Variants in ABCG2 observed in about 807,000 individuals in gnomAD.
ABCG2 encodes the protein ATP binding cassette subfamily G member 2 (JR blood group).
A neutral mutation model predicts 73.5 loss-of-function variants in ABCG2; 80 were observed. The observed-to-expected ratio is 1.09, with a 90% CI of 0.91 to 1.31. The LOEUF (loss-of-function observed/expected upper bound fraction) is 1.31. Among genes scored for constraint, ABCG2 ranks in the 50% most tolerant of loss-of-function variants. The pLI, the probability that ABCG2 is intolerant of heterozygous loss-of-function variation, is 0.00. For missense variants in ABCG2, 796 were observed against 786.2 expected, an observed-to-expected ratio of 1.01 and a Z score of -0.15; for synonymous variants, 269 against 282.4, an observed-to-expected ratio of 0.95 and a Z score of 0.48.
chr4:88,115,039 A>G lies in ABCG2; in HGVS notation c.861T>C (p.Tyr287=), dbSNP rs767291281. Reference sequence around the variant, plus strand: ...CCAAGAAGAAGTCTGCAGGGTTATTATAGGCCTCACAGTGATAACCTATGA... The same window carrying G: ...CCAAGAAGAAGTCTGCAGGGTTATTGTAGGCCTCACAGTGATAACCTATGA... ...FESAGYHCEA[Y]NNPADFFLDI... is the part of the protein sequence containing the mutation. Residue 287 remains tyrosine (Y), a synonymous_variant, in exon 8 of 16, where the codon TAT becomes TAC. Transcript: ENST00000237612. 6.2e-7 allele frequency: 1 copy of G among 1,612,428 alleles called. No homozygotes were observed. The highest frequency in any genetic ancestry group is 1.1e-5 in the South Asian group (1 of 90,964).
intron 1 of ABCG2, among the ~76,000 whole-genome samples, chr4:88,225,510 A>G (rs1237494703): frequency 1.3e-5 from 2 of 152,210 alleles, no homozygotes; most frequent in Non-Finnish European, 2.9e-5. Context: ...GCAGGATTTC[A>G]TCTATTCTTT....
intron 9 of ABCG2, 28 bp from the exon 10 acceptor site, chr4:88,107,294 G>T: frequency 6.6e-7 from 1 of 1,508,244 alleles, no homozygotes; most frequent in South Asian, 1.2e-5. Context: ...TGCAAAAAAA[G>T]GGGAAGAGTT....
chr4:88,146,211 A>C (rs1219025580), intron 1 of ABCG2, among the ~76,000 whole-genome samples: 3 of 152,020 alleles, frequency 2.0e-5, no homozygotes, highest in Non-Finnish European at 4.4e-5. Flanking sequence ...GTTTTCTTAA[A>C]TGTTACTTTA....
At position 88,091,119 on chromosome 4, in the gene ABCG2, T is replaced by C. The variant is rs927195130; in HGVS notation, c.*1115A>G. 1 of 152,124 alleles carries C rather than the reference T, an allele frequency of 6.6e-6. No individual in the cohort carries two copies. The highest frequency in any genetic ancestry group is 2.1e-4 in the South Asian group (1 of 4,822). 9.4% of individuals were successfully genotyped at this position (152,124 alleles called of 1,614,324 possible). ...AATAACCCAGGGGTAAGGAAGGAAG[T>C]AGTGACTGGGAGAATGGCTGAGTAG... On this transcript the variant is annotated 3_prime_UTR_variant, in exon 16 of 16. Coordinates refer to ENST00000237612, the MANE Select transcript of ABCG2 (RefSeq NM_004827.3).
chr4:88,191,789 A>C (rs1201794997), intron 1 of ABCG2, among the ~76,000 whole-genome samples: 2 of 152,236 alleles, frequency 1.3e-5, no homozygotes, highest in Non-Finnish European at 2.9e-5. Context: ...AAAATTAATG[A>C]AGTACTAATT....
In ABCG2 at chr4:88,134,544, T is replaced by C. The variant is rs1229677331; in HGVS notation, c.204-1909A>G. ...ATTTATCTATAGCTCTTGATGCATC[T>C]TCTTTATAAACAGGTCCCTAATAAC... On this transcript the variant is annotated intron_variant, in intron 2 of 15. Coordinates refer to ENST00000237612, the MANE Select transcript of ABCG2 (RefSeq NM_004827.3). 2.0e-5 allele frequency among the ~76,000 whole-genome samples: 3 copies of C among 152,210 alleles called. No homozygotes were observed. The East Asian group carries it at 5.8e-4, about 29-fold the overall frequency.
In ABCG2 at chr4:88,158,416, G is replaced by T; in HGVS notation, c.-50C>A. The T allele has an allele frequency of 2.3e-6, 1 of 436,256 alleles. No homozygotes were observed. The allele number at this position is 436,256 out of a possible 1,614,324, so 27.0% of individuals were successfully genotyped here. A position where few individuals can be genotyped will look rare whatever the true frequency, so the allele number is the denominator to read the frequency against. On this transcript the variant is annotated 5_prime_UTR_variant, in exon 1 of 16. Transcript: ENST00000237612. ...TTAATAGAGCTCGGTCTTAACCAAA[G>T]GCTCAGGATCTCAGGATGCGTGCGC...
chr4:88,132,514 T>C (rs1398291331), intron 3 of ABCG2, 62 bp downstream of exon 3: 1 of 1,548,996 alleles, frequency 6.5e-7, no homozygotes, highest in East Asian at 2.2e-5. Flanking sequence ...CAAAAAAAAG[T>C]GGCTTTTAAA....
intron 1 of ABCG2, among the ~76,000 whole-genome samples, chr4:88,170,346 G>C (rs773589188): frequency 3.9e-5 from 6 of 152,014 alleles, no homozygotes; most frequent in Admixed American, 2.6e-4. Flanking sequence ...TCACTTATCT[G>C]GTCATATATT....
At chr4:88,124,755 C>T (rs113877129) in intron 5 of ABCG2, among the ~76,000 whole-genome samples, 29,852 of 151,666 alleles carry the variant, frequency 0.2, 3,962 homozygotes, top group Non-Finnish European at 0.29. Flanking sequence ...GACAGATCAT[C>T]GACATCAACA....
intron 5 of ABCG2, among the ~76,000 whole-genome samples, chr4:88,128,128 T>G (rs1301783758): frequency 1.3e-5 from 2 of 152,048 alleles, no homozygotes; most frequent in Non-Finnish European, 2.9e-5. Flanking sequence ...AACAGACACT[T>G]CTCAAAAGAA....
upstream of ABCG2, among the ~76,000 whole-genome samples, chr4:88,162,301 T>A (rs1413626811): frequency 6.6e-6 from 1 of 152,042 alleles, no homozygotes; most frequent in African/African-American, 2.4e-5. Context: ...TGTAACAAAT[T>A]TAGAAAATTA....
At chr4:88,180,286 AG>A (rs1728179635) in intron 1 of ABCG2, among the ~76,000 whole-genome samples, 1 of 152,202 alleles carries the variant, frequency 6.6e-6, no homozygotes, top group Non-Finnish European at 1.5e-5. Flanking sequence ...AAAGTGCTAA[AG>A]GAAAAAAACT....
At chr4:88,230,672 C>A (rs150561592) in intron 1 of ABCG2, among the ~76,000 whole-genome samples, 5 of 152,208 alleles carry the variant, frequency 3.3e-5, no homozygotes, top group South Asian at 2.1e-4. Context: ...CAACATAAAT[C>A]ATGTGTTCAG....
intron 1 of ABCG2, among the ~76,000 whole-genome samples, chr4:88,166,821 A>AG (rs1211129828): frequency 1.3e-5 from 2 of 152,202 alleles, no homozygotes; most frequent in African/African-American, 4.8e-5. Flanking sequence ...GAATAGACAG[A>AG]GAGAAAGAAA....
Position 88,121,802 on chromosome 4 carries a change from A to C in ABCG2, c.532-10T>G. ...TAAACTGAGTTCCAACCTAAATCAC[A>C]AATATTATAATTGTCAATGATAACA... On this transcript the variant is annotated splice_polypyrimidine_tract_variant and intron_variant, in intron 5 of 15. Transcript: ENST00000237612. 6.2e-7 allele frequency: 1 copy of C among 1,611,476 alleles called. No individual in the cohort carries two copies. The highest frequency in any genetic ancestry group is 1.1e-5 in the South Asian group (1 of 90,474).
At position 88,119,990 on chromosome 4, in the gene ABCG2, G is replaced by A. The variant is rs531290518; in HGVS notation, c.689+1645C>T. ...AAAATGTCTCCAGGGAATGTCAGACGTCTTTACAGCAGCTCCTCCCATCAC... is the reference window on the plus strand; with the variant it reads ...AAAATGTCTCCAGGGAATGTCAGACATCTTTACAGCAGCTCCTCCCATCAC... On this transcript the variant is annotated intron_variant, in intron 6 of 15. Coordinates refer to ENST00000237612, the MANE Select transcript of ABCG2 (RefSeq NM_004827.3). 5.3e-5 allele frequency among the ~76,000 whole-genome samples: 8 copies of A among 152,292 alleles called. No individual in the cohort carries two copies. In the South Asian group the frequency reaches 8.3e-4, roughly 16 times the overall value.
intron 1 of ABCG2, among the ~76,000 whole-genome samples, chr4:88,206,091 TA>T (rs1729366499): frequency 6.6e-6 from 1 of 152,218 alleles, no homozygotes; most frequent in South Asian, 2.1e-4. Flanking sequence ...GTATAATCTT[TA>T]TTCTAGAACT....
intron 2 of ABCG2, among the ~76,000 whole-genome samples, chr4:88,135,497 C>T (rs1725176300): frequency 6.6e-6 from 1 of 151,954 alleles, no homozygotes; most frequent in African/African-American, 2.4e-5. Context: ...GAGGTCAATG[C>T]TCACCTCCCT....
Sources: gnomAD v4.1 joint callset for allele counts (sites outside exome capture counted in the v4.1 genomes callset) on GRCh38, gnomAD v4.1.1 for gene constraint, MANE v1.5 for transcripts, NCBI Gene and HGNC (gene_info 2026-07-23, HGNC 2026-07-21) for gene names.